CAMK1D: variants seen among roughly 807,000 people sequenced by gnomAD.
CAMK1D encodes the protein calcium/calmodulin-dependent protein kinase type 1D.
In CAMK1D, 9 loss-of-function variants were observed where a neutral mutation model predicts 47.7. The ratio of observed to expected loss-of-function variants is 0.19; its 90% CI spans 0.11 to 0.33. The LOEUF is 0.33. CAMK1D is among the 10% of genes least tolerant of loss of function. The pLI is 1.00. For synonymous variants in CAMK1D, 184 were observed against 184.9 expected (o/e 0.99, Z 0.04); for missense variants, 291 against 488.7 (o/e 0.60, Z 3.81).
intron 1 of CAMK1D, among the ~76,000 whole-genome samples, chr10:12,365,100 G>A (rs2131847199): frequency 6.6e-6 from 1 of 151,990 alleles, no homozygotes; most frequent in East Asian, 1.9e-4. Context: ...GGGATTATAG[G>A]TATACACCAC....
chr10:12,420,629 T>C (rs1840018929), intron 1 of CAMK1D, among the ~76,000 whole-genome samples: 1 of 152,190 alleles, frequency 6.6e-6, no homozygotes, highest in Admixed American at 6.5e-5. Context: ...TGCATATTTC[T>C]AACAGCCTCT....
At chr10:12,519,370 T>C (rs1165765607) in intron 1 of CAMK1D, among the ~76,000 whole-genome samples, 1 of 12,742 alleles carries the variant, frequency 7.8e-5, no homozygotes, top group African/African-American at 3.1e-4. Flanking sequence ...CCCACCTCCC[T>C]CCCGGACGGG....
chr10:12,540,025 CACCT>C (rs1836114304), intron 1 of CAMK1D, among the ~76,000 whole-genome samples: 1 of 152,266 alleles, frequency 6.6e-6, no homozygotes, highest in African/African-American at 2.4e-5. Context: ...GCGATCCACT[CACCT>C]CAGCCTCCCA....
intron 1 of CAMK1D, among the ~76,000 whole-genome samples, chr10:12,369,343 C>T (rs943106538): frequency 1.2e-4 from 18 of 152,178 alleles, no homozygotes; most frequent in African/African-American, 4.3e-4. Flanking sequence ...TGAGTCTACT[C>T]CATGCCAGGC....
At chr10:12,553,659 C>G (rs1836665265) in intron 2 of CAMK1D, among the ~76,000 whole-genome samples, 1 of 152,172 alleles carries the variant, frequency 6.6e-6, no homozygotes, top group Admixed American at 6.5e-5. Context: ...CTACAGAGCC[C>G]TGAGTCTTCT....
At chr10:12,755,591 TG>T (rs1836190367) in intron 3 of CAMK1D, among the ~76,000 whole-genome samples, 1 of 152,182 alleles carries the variant, frequency 6.6e-6, no homozygotes, top group Non-Finnish European at 1.5e-5. Flanking sequence ...ACTTCCACAA[TG>T]GTTGAACTAG....
rs113858783 is a variant in CAMK1D at position 12,432,278 on chromosome 10, C to G, written c.92+82368C>G. On this transcript the variant is annotated intron_variant, in intron 1 of 10. Transcript: ENST00000619168. ...CTCAGCCCCATGAGGCTGTGATTCT[C>G]AAGTTTTCTCCTATCACCCTTACCT... is the stretch of plus-strand genomic sequence containing the variant. Among the ~76,000 whole-genome samples the G allele has an allele frequency of 5.0e-3, 759 of 152,302 alleles. 8 individuals carry two copies. Among genetic ancestry groups the G allele is most frequent in the African/African-American group, 0.017 (696 of 41,566 alleles).
chr10:12,791,618 C>T (rs1387841568), intron 6 of CAMK1D, among the ~76,000 whole-genome samples: 1 of 152,182 alleles, frequency 6.6e-6, no homozygotes, highest in African/African-American at 2.4e-5. Flanking sequence ...AGCAAAACAT[C>T]TTCAAGGCCC....
intron 6 of CAMK1D, among the ~76,000 whole-genome samples, chr10:12,813,266 C>T (rs1478600670): frequency 2.0e-5 from 3 of 152,216 alleles, no homozygotes; most frequent in Non-Finnish European, 4.4e-5. Flanking sequence ...CCACAACCCT[C>T]CGCATACTCA....
chr10:12,444,267 A>G (rs965107518), intron 1 of CAMK1D, among the ~76,000 whole-genome samples: 1 of 152,070 alleles, frequency 6.6e-6, no homozygotes, highest in African/African-American at 2.4e-5. Flanking sequence ...TCTCAGCCTT[A>G]TTTTACCCAG....
chr10:12,566,942 G>A (rs548316950), intron 2 of CAMK1D, among the ~76,000 whole-genome samples: 4 of 152,242 alleles, frequency 2.6e-5, no homozygotes, highest in East Asian at 1.9e-4. Context: ...TTGGATTGCC[G>A]TCGTATGCTG....
intron 1 of CAMK1D, among the ~76,000 whole-genome samples, chr10:12,409,077 G>A (rs1429649033): frequency 6.6e-6 from 1 of 151,938 alleles, no homozygotes; most frequent in African/African-American, 2.4e-5. Context: ...GGCTGGTTTT[G>A]AACTCCTGAC....
chr10:12,686,956 T>C (rs1832689897), intron 3 of CAMK1D, among the ~76,000 whole-genome samples: 1 of 152,208 alleles, frequency 6.6e-6, no homozygotes, highest in Non-Finnish European at 1.5e-5. Flanking sequence ...ATAGTAATTA[T>C]TTTCATACCA....
At position 12,716,724 on chromosome 10, in the gene CAMK1D, G is replaced by C. The variant is rs577134477; in HGVS notation, c.300-44224G>C. 3.3e-5 allele frequency among the ~76,000 whole-genome samples: 5 copies of C among 152,210 alleles called. No homozygotes were observed. The South Asian group carries it at 1.0e-3, about 32-fold the overall frequency. On this transcript the variant is annotated intron_variant, in intron 3 of 10. Transcript: ENST00000619168. The stretch of plus-strand genomic sequence containing the variant: ...TGGCATCATGCAGAGAGTGGGCCTG[G>C]AACACTGGCTGAATTTTTTTTAACT...
rs139797208 is a variant in CAMK1D, at chr10:12,621,040, A to G, written c.225-45696A>G. Among the ~76,000 whole-genome samples, 270 of 152,330 alleles carry G rather than the reference A, an allele frequency of 1.8e-3. 1 individual carries two copies. The highest frequency in any genetic ancestry group is 5.4e-3 in the African/African-American group (224 of 41,570). On this transcript the variant is annotated intron_variant, in intron 2 of 10. Transcript: ENST00000619168. ...AGTTGTTCCAGCACCATGTGTGTAT[A>G]TAAGAGGCTGTCTTTCTCCACTGAA...
chr10:12,455,642 T>C (rs1833219541), intron 1 of CAMK1D, among the ~76,000 whole-genome samples: 2 of 152,216 alleles, frequency 1.3e-5, no homozygotes, highest in South Asian at 4.1e-4. Context: ...AAAGTTTAGG[T>C]TCCTTTCTGT....
At chr10:12,662,655 A>G (rs1476913374) in intron 2 of CAMK1D, among the ~76,000 whole-genome samples, 1 of 151,804 alleles carries the variant, frequency 6.6e-6, no homozygotes, top group East Asian at 1.9e-4. Flanking sequence ...CTGCCTCAAA[A>G]AAAAAAAAAG....
chr10:12,432,237 C>T (rs1233085347), intron 1 of CAMK1D, among the ~76,000 whole-genome samples: 1 of 152,198 alleles, frequency 6.6e-6, no homozygotes, highest in Non-Finnish European at 1.5e-5. Context: ...GGGGAGACAG[C>T]CCCAAAGAGT....
At chr10:12,672,320 T>C (rs75063917) in intron 3 of CAMK1D, among the ~76,000 whole-genome samples, 9,239 of 152,096 alleles carry the variant, frequency 0.061, 294 homozygotes, top group African/African-American at 0.08. Context: ...GTGTTAAAAG[T>C]CTTTACCTAT....
Sources: gnomAD v4.1 joint callset for allele counts (sites outside exome capture counted in the v4.1 genomes callset) on GRCh38, gnomAD v4.1.1 for gene constraint, MANE v1.5 for transcripts, NCBI Gene and HGNC (gene_info 2026-07-23, HGNC 2026-07-21) for gene names.